The following JAKMIP3 variants were observed in gnomAD, a reference collection of about 807,000 sequenced individuals.
JAKMIP3 encodes janus kinase and microtubule-interacting protein 3.
In JAKMIP3, 58 loss-of-function variants were observed where a neutral mutation model predicts 118.5. The ratio of observed to expected loss-of-function variants is 0.49; its 90% CI spans 0.40 to 0.61. The LOEUF (loss-of-function observed/expected upper bound fraction) is 0.61, where lower values mean the gene tolerates loss of function less well. Among genes scored for constraint, JAKMIP3 ranks in the 20% least tolerant of loss-of-function variants. JAKMIP3 has a pLI of 0.00. For missense variants in JAKMIP3, 950 were observed against 1,109.0 expected, an observed-to-expected ratio of 0.86 and a Z score of 2.04; for synonymous variants, 486 against 451.2, an observed-to-expected ratio of 1.08 and a Z score of -0.98.
intron 1 of JAKMIP3, among the ~76,000 whole-genome samples, chr10:132,104,250 G>A (rs1053123558): frequency 1.3e-5 from 2 of 152,108 alleles, no homozygotes; most frequent in African/African-American, 4.8e-5. Flanking sequence ...CAGCTTGTGG[G>A]TCTCTGTGGA....
At chr10:132,111,359 T>A (rs965671040) in intron 2 of JAKMIP3, among the ~76,000 whole-genome samples, 14 of 148,100 alleles carry the variant, frequency 9.5e-5, no homozygotes, top group African/African-American at 3.5e-4. Context: ...ACCCCCCCCA[T>A]GAGCACAGCA....
intron 23 of JAKMIP3, among the ~76,000 whole-genome samples, chr10:132,180,622 T>TGTGTGCGC (rs2060890563): frequency 2.3e-5 from 1 of 43,038 alleles, no homozygotes; most frequent in African/African-American, 1.4e-4. Context: ...TGTGCGTGTG[T>TGTGTGCGC]GTGCGTGTGT....
intron 1 of JAKMIP3, among the ~76,000 whole-genome samples, chr10:132,087,142 G>T (rs373831600): frequency 2.0e-5 from 3 of 152,168 alleles, no homozygotes; most frequent in Non-Finnish European, 4.4e-5. Context: ...GGATACAAAA[G>T]AGTTGGCTTG....
Position 132,135,965 on chromosome 10 carries a change from G to C in JAKMIP3, c.1005G>C (p.Lys335Asn). The C allele has an allele frequency of 1.2e-6, 2 of 1,613,500 alleles. No individual in the cohort carries two copies. Among genetic ancestry groups the C allele is most frequent in the African/African-American group, 2.7e-5 (2 of 75,070 alleles). The change falls in exon 6 of 24, where the codon AAG (lysine) becomes AAC (asparagine). Residue 335 changes from lysine to asparagine, a missense_variant. Physicochemically the swap from Lys to Asn is moderately conservative, Grantham distance 94. Coordinates refer to ENST00000684848, the MANE Select transcript of JAKMIP3 (RefSeq NM_001323087.2). ...KRVREAESQY[K>N]PLLDKNKRLS... is the part of the protein sequence containing the mutation. ...TAAGAGAAGCTGAGAGTCAGTACAA[G>C]CCTCTGCTGGATAAAAACAAGCGCC...
At chr10:132,180,250 G>T (rs957074399) in intron 23 of JAKMIP3, among the ~76,000 whole-genome samples, 4 of 152,160 alleles carry the variant, frequency 2.6e-5, no homozygotes, top group Non-Finnish European at 5.9e-5. Context: ...AGACACTCTT[G>T]AGTGAGGACC....
At chr10:132,149,137 C>T (rs562659457) in intron 14 of JAKMIP3, among the ~76,000 whole-genome samples, 198 of 152,194 alleles carry the variant, frequency 1.3e-3, no homozygotes, top group Non-Finnish European at 2.5e-3. Flanking sequence ...TGCCCGTGGG[C>T]TCAGGGTGGG....
intron 1 of JAKMIP3, among the ~76,000 whole-genome samples, chr10:132,077,276 C>T (rs570808269): frequency 6.6e-6 from 1 of 152,246 alleles, no homozygotes; most frequent in Admixed American, 6.5e-5. Context: ...TGGCTTTGTC[C>T]GAAAGAGGGT....
intron 16 of JAKMIP3, among the ~76,000 whole-genome samples, chr10:132,151,838 G>T (rs2056274681): frequency 6.6e-6 from 1 of 152,240 alleles, no homozygotes. Flanking sequence ...TTGGATACTG[G>T]AGGGCTCATG....
intron 14 of JAKMIP3, among the ~76,000 whole-genome samples, chr10:132,149,029 GTGTTC>G (rs2055272055): frequency 6.6e-6 from 1 of 152,188 alleles, no homozygotes; most frequent in Non-Finnish European, 1.5e-5. Flanking sequence ...CTGCCAGCCT[GTGTTC>G]TCCAGAGGCT....
rs2037838634 is a variant in JAKMIP3 at position 132,044,104 on chromosome 10, C to G, written c.-138+7366C>G. Among the ~76,000 whole-genome samples, 1 of 152,228 alleles carries G rather than the reference C, an allele frequency of 6.6e-6. No homozygotes were observed. The highest frequency in any genetic ancestry group is 6.5e-5 in the Admixed American group (1 of 15,288). On this transcript the variant is annotated intron_variant, in intron 1 of 23. Transcript: ENST00000657785. The surrounding 1 kb of genome is among the most constrained non-coding windows in gnomAD (Gnocchi z 5.3). Reference sequence around the variant, plus strand: ...CTTGTGGCCCACCTGGGGACACAGGCTGCCGCCTTGATGCTGCTCCCCTGG... The same window carrying G: ...CTTGTGGCCCACCTGGGGACACAGGGTGCCGCCTTGATGCTGCTCCCCTGG...
chr10:132,085,592 C>T (rs1017221311), intron 1 of JAKMIP3, among the ~76,000 whole-genome samples: 3 of 151,910 alleles, frequency 2.0e-5, no homozygotes, highest in Non-Finnish European at 4.4e-5. Flanking sequence ...CCTCCGCTTC[C>T]TGGGTTCAAG....
chr10:132,111,865 G>A (rs2046936275), intron 2 of JAKMIP3, among the ~76,000 whole-genome samples: 1 of 152,128 alleles, frequency 6.6e-6, no homozygotes, highest in South Asian at 2.1e-4. Flanking sequence ...AGAGCAGTGG[G>A]AGGCAGCTGC....
intron 10 of JAKMIP3, 50 bp from the exon 11 acceptor site, chr10:132,141,870 G>A: frequency 6.4e-7 from 1 of 1,563,894 alleles, no homozygotes; most frequent in South Asian, 1.2e-5. Context: ...AGGAGGTGCT[G>A]GCTACTGACA....
At chr10:132,126,828 T>C (rs1390419168) in intron 3 of JAKMIP3, among the ~76,000 whole-genome samples, 1 of 152,230 alleles carries the variant, frequency 6.6e-6, no homozygotes, top group Non-Finnish European at 1.5e-5. Flanking sequence ...ATTTTTGGAA[T>C]AAATTTTACT....
chr10:132,041,471 G>A (rs945196853), intron 1 of JAKMIP3, among the ~76,000 whole-genome samples: 1 of 152,216 alleles, frequency 6.6e-6, no homozygotes, highest in South Asian at 2.1e-4. Context: ...TGCCCCGGAC[G>A]GGCACAGCGG....
At chr10:132,146,732 G>C (rs762865792) in intron 13 of JAKMIP3, among the ~76,000 whole-genome samples, 5 of 152,194 alleles carry the variant, frequency 3.3e-5, no homozygotes, top group Non-Finnish European at 5.9e-5. Context: ...AGGGCTGGTC[G>C]TGCCCTCTGG....
chr10:132,128,518 G>A (rs2050016964), intron 3 of JAKMIP3, among the ~76,000 whole-genome samples: 1 of 151,854 alleles, frequency 6.6e-6, no homozygotes, highest in East Asian at 1.9e-4. Flanking sequence ...TCTCTTTCTG[G>A]GATTCCAATA....
In JAKMIP3 at chr10:132,167,843, CCCCTCGCCCCTCACCCCTCGG is replaced by C. The variant is rs1452089344; in HGVS notation, c.*23-97_*23-77del. The C allele has an allele frequency of 1.4e-4, 103 of 724,594 alleles. 4 individuals are homozygous for C. Among genetic ancestry groups the C allele is most frequent in the East Asian group, 7.4e-4 (11 of 14,946 alleles). The allele number at this position is 724,594 out of a possible 1,614,324, so 44.9% of individuals were successfully genotyped here. A position where few individuals can be genotyped will look rare whatever the true frequency, so the allele number is the denominator to read the frequency against. On this transcript the variant is annotated intron_variant, in intron 22 of 23. Coordinates refer to ENST00000684848, the MANE Select transcript of JAKMIP3 (RefSeq NM_001323087.2). ...CTCGGCCCTCACCCCTCGGCCCTCG[CCCCTCGCCCCTCACCCCTCGG>C]CCCTCGCCCCTCGCCCCTCGGCCCT...
chr10:132,151,688 TACCCAGCCCC>T (rs1251237918), intron 16 of JAKMIP3, among the ~76,000 whole-genome samples: 4 of 151,752 alleles, frequency 2.6e-5, no homozygotes. Flanking sequence ...GAGTTGGGGG[TACCCAGCCCC>T]ACCCAGGCCT....
Sources: allele counts gnomAD v4.1 joint callset (sites outside exome capture counted in the v4.1 genomes callset), GRCh38; gene constraint gnomAD v4.1.1; non-coding constraint Gnocchi (gnomAD v3.1); transcripts MANE v1.5; gene names NCBI Gene and HGNC (gene_info 2026-07-23, HGNC 2026-07-21).